The following RIMBP2 variants were observed in gnomAD, a reference collection of about 807,000 sequenced individuals.
RIMBP2 encodes the protein RIMS-binding protein 2.
RIMBP2 carries 48 observed loss-of-function variants against 118.6 expected under a neutral mutation model. The observed-to-expected ratio is 0.40, with a 90% CI of 0.32 to 0.51. The LOEUF (loss-of-function observed/expected upper bound fraction) is 0.51. Ranked by LOEUF, RIMBP2 falls within the 20% of genes least tolerant of loss-of-function variation. RIMBP2 has a pLI of 0.41. For missense variants in RIMBP2, 1,551 were observed against 1,768.3 expected (o/e 0.88, Z 2.20); for synonymous variants, 762 against 742.9 (o/e 1.03, Z -0.42).
At chr12:130,433,189 C>T (rs1186924033) in intron 14 of RIMBP2, among the ~76,000 whole-genome samples, 9 of 152,306 alleles carry the variant, frequency 5.9e-5, no homozygotes, top group Middle Eastern at 3.4e-3. Context: ...GACATTAAGC[C>T]GGTTTCAGCT....
At chr12:130,658,222 G>C (rs1390866302) in intron 1 of RIMBP2, 1 of 152,252 alleles carries the variant, frequency 6.6e-6, no homozygotes, top group East Asian at 1.9e-4. Flanking sequence ...CACAAGCCAG[G>C]CTCGCGTGTT....
At chr12:130,592,579 C>T (rs543685696) in intron 2 of RIMBP2, among the ~76,000 whole-genome samples, 116 of 152,054 alleles carry the variant, frequency 7.6e-4, no homozygotes, top group Non-Finnish European at 1.2e-3. Context: ...ATCCCAGCTA[C>T]TCAGGAGGCT....
intron 1 of RIMBP2, among the ~76,000 whole-genome samples, chr12:130,664,295 A>G (rs1195219793): frequency 6.6e-6 from 1 of 151,676 alleles, no homozygotes; most frequent in Non-Finnish European, 1.5e-5. Context: ...GTTAAACTGG[A>G]TTTGAAGGCA....
intron 6 of RIMBP2, chr12:130,465,997 T>TG (rs1216796565): frequency 6.6e-6 from 1 of 152,222 alleles, no homozygotes; most frequent in Admixed American, 6.5e-5. Context: ...AATGGGATTC[T>TG]GCTCATGACT....
chr12:130,586,326 C>A (rs1181833704), intron 2 of RIMBP2, among the ~76,000 whole-genome samples: 1 of 152,160 alleles, frequency 6.6e-6, no homozygotes, highest in East Asian at 1.9e-4. Flanking sequence ...GTGGCAGGCA[C>A]CTGCAATCCC....
chr12:130,574,005 G>T (rs1407233083), intron 2 of RIMBP2, among the ~76,000 whole-genome samples: 1 of 152,140 alleles, frequency 6.6e-6, no homozygotes, highest in East Asian at 1.9e-4. Context: ...GAACTAAGCA[G>T]CTGGGTCTGT....
rs928031506 is a variant in RIMBP2, at chr12:130,678,152, C to T, written c.-352+38070G>A. ...TGGGTGCAGCCTCTATGACCCTAGA[C>T]GACTCTTCCCTCTGCCTGGATTAGA... On this transcript the variant is annotated intron_variant, in intron 1 of 22. Transcript: ENST00000690449. Among the ~76,000 whole-genome samples, 14 of 152,324 alleles carry T rather than the reference C, an allele frequency of 9.2e-5. No homozygotes were observed. In the East Asian group the frequency reaches 1.2e-3, roughly 13 times the overall value.
Position 130,442,786 on chromosome 12 carries a change from C to T in RIMBP2, c.692-126G>A, listed in dbSNP as rs987170932. 81 of 766,126 alleles carry T rather than the reference C, an allele frequency of 1.1e-4. No individual in the cohort carries two copies. Among genetic ancestry groups the T allele is most frequent in the Non-Finnish European group, 1.5e-4 (71 of 482,560 alleles). 47.5% of individuals were successfully genotyped at this position (766,126 alleles called of 1,614,324 possible). ...CAACAGGGTTGCCCTGGGGCTCCTCCGCTGTTCCCAGGAGTCCATGCTGGG... is the reference window on the plus strand; with the variant it reads ...CAACAGGGTTGCCCTGGGGCTCCTCTGCTGTTCCCAGGAGTCCATGCTGGG... On this transcript the variant is annotated intron_variant, in intron 10 of 22. Transcript: ENST00000690449. The surrounding 1 kb of genome is among the most constrained non-coding windows in gnomAD (Gnocchi z 6.9).
intron 2 of RIMBP2, among the ~76,000 whole-genome samples, chr12:130,520,566 G>C (rs2051982480): frequency 6.6e-6 from 1 of 151,594 alleles, no homozygotes; most frequent in South Asian, 2.1e-4. Context: ...CAGCTACTCA[G>C]GAGGCTGAGG....
At position 130,664,397 on chromosome 12, in the gene RIMBP2, A is replaced by ACGCC. The variant is rs1389481165; in HGVS notation, c.-351-35942_-351-35941insGGCG. 6.1e-5 allele frequency among the ~76,000 whole-genome samples: 6 copies of ACGCC among 98,710 alleles called. No individual in the cohort carries two copies. The South Asian group carries it at 2.0e-3, about 33-fold the overall frequency. The allele number at this position is 98,710 out of a possible 152,430, so 64.8% of individuals were successfully genotyped here. A position where few individuals can be genotyped will look rare whatever the true frequency, so the allele number is the denominator to read the frequency against. ...CATGCACGCACGCGCATGCACACAC[A>ACGCC]CGCACGCACGCACGCACACACACGC... On this transcript the variant is annotated intron_variant, in intron 1 of 22. Coordinates refer to ENST00000690449, the MANE Select transcript of RIMBP2 (RefSeq NM_001393629.1).
chr12:130,499,825 G>C (rs1477677696), intron 4 of RIMBP2, among the ~76,000 whole-genome samples: 2 of 152,150 alleles, frequency 1.3e-5, no homozygotes, highest in Non-Finnish European at 2.9e-5. Flanking sequence ...CTCTCTACCA[G>C]AACCAAGGGC....
intron 17 of RIMBP2, among the ~76,000 whole-genome samples, chr12:130,418,126 C>T (rs957647997): frequency 1.3e-5 from 2 of 152,160 alleles, no homozygotes; most frequent in Non-Finnish European, 2.9e-5. Flanking sequence ...AAATAAAACA[C>T]GCAGTCTAAC....
chr12:130,473,540 C>A (rs373302589), intron 5 of RIMBP2, among the ~76,000 whole-genome samples: 11 of 152,208 alleles, frequency 7.2e-5, no homozygotes, highest in African/African-American at 2.2e-4. Flanking sequence ...TCCAGGCCCC[C>A]GGCGACTGTG....
chr12:130,627,355 G>A (rs1462537469), intron 2 of RIMBP2, among the ~76,000 whole-genome samples: 1 of 152,238 alleles, frequency 6.6e-6, no homozygotes, highest in Admixed American at 6.5e-5. Context: ...GAAAGCAGCT[G>A]TTATTCTTAC....
At chr12:130,702,148 T>C (rs2065884597) in intron 1 of RIMBP2, among the ~76,000 whole-genome samples, 1 of 152,038 alleles carries the variant, frequency 6.6e-6, no homozygotes, top group South Asian at 2.1e-4. Flanking sequence ...AAATCTAAGC[T>C]TCTCTCTAGC....
At chr12:130,544,203 A>T (rs1020593905) in intron 2 of RIMBP2, among the ~76,000 whole-genome samples, 1 of 152,066 alleles carries the variant, frequency 6.6e-6, no homozygotes, top group Non-Finnish European at 1.5e-5. Flanking sequence ...TCCTGGCCAC[A>T]CACCCCACCC....
At chr12:130,532,333 G>T (rs1243440871) in intron 2 of RIMBP2, among the ~76,000 whole-genome samples, 1 of 132,918 alleles carries the variant, frequency 7.5e-6, no homozygotes, top group Non-Finnish European at 1.6e-5. Context: ...TAGGAGGTAC[G>T]TCTAATGAGA....
intron 2 of RIMBP2, among the ~76,000 whole-genome samples, chr12:130,541,785 GCAGA>G (rs1364928322): frequency 6.6e-6 from 1 of 152,242 alleles, no homozygotes; most frequent in African/African-American, 2.4e-5. Flanking sequence ...GAGCCATGCT[GCAGA>G]CACTGTATTT....
intron 1 of RIMBP2, among the ~76,000 whole-genome samples, chr12:130,676,659 C>G (rs919028465): frequency 6.6e-6 from 1 of 151,966 alleles, no homozygotes; most frequent in Non-Finnish European, 1.5e-5. Context: ...AACACACACA[C>G]AGTGGCACAT....
Sources: gnomAD v4.1 joint callset for allele counts (sites outside exome capture counted in the v4.1 genomes callset) on GRCh38, gnomAD v4.1.1 for gene constraint, Gnocchi (gnomAD v3.1) non-coding constraint, MANE v1.5 for transcripts, NCBI Gene and HGNC (gene_info 2026-07-23, HGNC 2026-07-21) for gene names.